The following KLK9 variants were observed in gnomAD, a reference collection of about 807,000 sequenced individuals.
KLK9 encodes kallikrein-9.
Under a neutral mutation model 23.3 loss-of-function variants are expected in KLK9, and 26 were observed. The ratio of observed to expected loss-of-function variants is 1.12; its 90% CI spans 0.82 to 1.55. KLK9 has a LOEUF of 1.55. KLK9 is among the 40% of genes most tolerant of loss of function. The probability of loss-of-function intolerance (pLI) is 0.00; values close to 1 mark genes in which losing one functional copy is unlikely to be tolerated. For missense variants in KLK9, 346 were observed against 333.7 expected, an observed-to-expected ratio of 1.04 and a Z score of -0.29; for synonymous variants, 122 against 128.5, an observed-to-expected ratio of 0.95 and a Z score of 0.34.
At position 51,002,949 on chromosome 19, in the gene KLK9, AG is replaced by A; in HGVS notation, c.*161del. 1 of 826,728 alleles carries A rather than the reference AG, an allele frequency of 1.2e-6. No individual in the cohort carries two copies. The allele number at this position is 826,728 out of a possible 1,614,324, so 51.2% of individuals were successfully genotyped here. A position where few individuals can be genotyped will look rare whatever the true frequency, so the allele number is the denominator to read the frequency against. ...CGACTGTGTCTTGCTTGACCTCGTGAGGGGGCGGAGCCTCAGGGGCGGAGTC... is the reference window on the plus strand; with the variant it reads ...CGACTGTGTCTTGCTTGACCTCGTGAGGGGCGGAGCCTCAGGGGCGGAGTC... On this transcript the variant is annotated 3_prime_UTR_variant, in exon 5 of 5. Coordinates refer to ENST00000594211, the MANE Select transcript of KLK9 (RefSeq NM_012315.2).
At chr19:51,004,800 A>G (rs908952916) in intron 3 of KLK9, among the ~76,000 whole-genome samples, 10 of 152,192 alleles carry the variant, frequency 6.6e-5, no homozygotes, top group Non-Finnish European at 1.3e-4. Flanking sequence ...GAAGATGGTC[A>G]CTGATGGAGA....
chr19:51,009,068 T>G lies in KLK9; in HGVS notation c.200+115A>C. On this transcript the variant is annotated intron_variant, in intron 2 of 4. Coordinates refer to ENST00000594211, the MANE Select transcript of KLK9 (RefSeq NM_012315.2). This position sits in a 1 kb window ranked among gnomAD's most constrained non-coding sequence, Gnocchi z 4.8. ...AGGCTACCCTTCCTACTTCTAAGAG[T>G]TGAACTTGTGGTATCAGAAGTGGAG... 2.5e-6 allele frequency: 3 copies of G among 1,185,250 alleles called. No individual in the cohort carries two copies. The South Asian group carries it at 4.7e-5, about 19-fold the overall frequency. The allele number at this position is 1,185,250 out of a possible 1,614,324, so 73.4% of individuals were successfully genotyped here. A position where few individuals can be genotyped will look rare whatever the true frequency, so the allele number is the denominator to read the frequency against.
At position 51,006,500 on chromosome 19, in the gene KLK9, G is replaced by C; in HGVS notation, c.424C>G (p.Gln142Glu). Residue 142 changes from glutamine (Q) to glutamate (E), a missense_variant, in exon 3 of 5, where the codon CAG (glutamine) becomes GAG (glutamate). Gln to Glu is a conservative substitution (Grantham distance 29). Coordinates refer to ENST00000594211, the MANE Select transcript of KLK9 (RefSeq NM_012315.2). This position sits in a 1 kb window ranked among gnomAD's most constrained non-coding sequence, Gnocchi z 4.1. The part of the protein sequence containing the change: ...LSQTCVSPGM[Q>E]CLISGWGAVS... Reference sequence around the variant, plus strand: ...GCCCCCCAGCCTGAGATGAGACACTGCATGCCTGGGGAGACACAGGTCTGG... The same window carrying C: ...GCCCCCCAGCCTGAGATGAGACACTCCATGCCTGGGGAGACACAGGTCTGG... The C allele has an allele frequency of 6.2e-7, 1 of 1,613,092 alleles. No homozygotes were observed. Among genetic ancestry groups the C allele is most frequent in the South Asian group, 1.1e-5 (1 of 91,054 alleles).
At chr19:51,007,834 C>T (rs542138174) in intron 2 of KLK9, among the ~76,000 whole-genome samples, 27 of 152,106 alleles carry the variant, frequency 1.8e-4, no homozygotes, top group Admixed American at 1.6e-3. Context: ...TTAGAATGCC[C>T]AGAACCTAAG....
intron 2 of KLK9, among the ~76,000 whole-genome samples, chr19:51,007,957 CA>C (rs201144763): frequency 1.3e-4 from 20 of 151,816 alleles, no homozygotes; most frequent in African/African-American, 3.6e-4. Context: ...TCCCCTGGAT[CA>C]AAAAAACTCC....
chr19:51,007,526 A>G (rs892579297), intron 2 of KLK9, among the ~76,000 whole-genome samples: 16 of 151,692 alleles, frequency 1.1e-4, no homozygotes, highest in Non-Finnish European at 2.2e-4. Context: ...TCACCCCTAC[A>G]TCCCTTCATC....
chr19:51,006,518 A>G lies in KLK9; in HGVS notation c.406T>C (p.Cys136Arg), dbSNP rs370862501. ...AGACACTGCATGCCTGGGGAGACAC[A>G]GGTCTGGCTGAGGTTGAGGGGCTGC... ...AVQPLNLSQT[C>R]VSPGMQCLIS... Residue 136 changes from cysteine (C) to arginine (R), a missense_variant, in exon 3 of 5, where the codon TGT becomes CGT. By Grantham distance (180) the Cys-to-Arg change is radical (BLOSUM62 -3). Coordinates refer to ENST00000594211, the MANE Select transcript of KLK9 (RefSeq NM_012315.2). This position sits in a 1 kb window ranked among gnomAD's most constrained non-coding sequence, Gnocchi z 4.1. 5.5e-5 allele frequency: 88 copies of G among 1,613,088 alleles called. 3 individuals are homozygous for G. Among genetic ancestry groups the G allele is most frequent in the Non-Finnish European group, 7.1e-5 (84 of 1,179,452 alleles).
At chr19:51,008,212 C>T (rs1199637206) in intron 2 of KLK9, among the ~76,000 whole-genome samples, 2 of 148,848 alleles carry the variant, frequency 1.3e-5, no homozygotes, top group African/African-American at 4.9e-5. Flanking sequence ...GTGGTGCATA[C>T]CTGTAATCCC....
At chr19:51,008,759 T>C (rs1267762914) in intron 2 of KLK9, among the ~76,000 whole-genome samples, 1 of 152,176 alleles carries the variant, frequency 6.6e-6, no homozygotes, top group Non-Finnish European at 1.5e-5. Flanking sequence ...ATTTTACTCA[T>C]TCCTTATTTT....
intron 2 of KLK9, among the ~76,000 whole-genome samples, chr19:51,007,291 C>A (rs1401570145): frequency 1.3e-5 from 2 of 151,914 alleles, no homozygotes; most frequent in Admixed American, 1.3e-4. Context: ...TGGTGTCTAA[C>A]CTTAAGCCCT....
chr19:51,006,666 C>T lies in KLK9; in HGVS notation c.258G>A (p.Gln86=), dbSNP rs1568559152. Residue 86 remains glutamine, a synonymous_variant, in exon 3 of 5, where the codon CAG becomes CAA. Coordinates refer to ENST00000594211, the MANE Select transcript of KLK9 (RefSeq NM_012315.2). The surrounding 1 kb of genome is among the most constrained non-coding windows in gnomAD (Gnocchi z 4.1). Reference sequence around the variant, plus strand: ...GGAAGAAGTCCGTAACCCGGAACAGCTGCTCCGGACCCTCCCATTTCCAGA... The same window carrying T: ...GGAAGAAGTCCGTAACCCGGAACAGTTGCTCCGGACCCTCCCATTTCCAGA... ...HHLWKWEGPE[Q]LFRVTDFFPH... is the part of the protein sequence containing the mutation. 1 of 1,610,900 alleles carries T rather than the reference C, an allele frequency of 6.2e-7. No homozygotes were observed. The highest frequency in any genetic ancestry group is 8.5e-7 in the Non-Finnish European group (1 of 1,178,180).
intron 3 of KLK9, among the ~76,000 whole-genome samples, chr19:51,005,247 C>T (rs2091251289): frequency 2.0e-5 from 3 of 152,164 alleles, no homozygotes; most frequent in Non-Finnish European, 2.9e-5. Context: ...TGGTCTTATT[C>T]CCATTCTAAG....
rs71333922 is a variant in KLK9 at position 51,004,338 on chromosome 19, CAAAAAAAAAAAAAAAAAAAAAA to C, written c.467-520_467-499del. ...TGGGAGACAGAGCAAGACTCCGTCTCAAAAAAAAAAAAAAAAAAAAAAAAAAAAAAAAAAAAAAGAAAGGAAG... is the reference window on the plus strand; with the variant it reads ...TGGGAGACAGAGCAAGACTCCGTCTCAAAAAAAAAAAAAAAAGAAAGGAAG... On this transcript the variant is annotated intron_variant, in intron 3 of 4. Coordinates refer to ENST00000594211, the MANE Select transcript of KLK9 (RefSeq NM_012315.2). 5.2e-4 allele frequency among the ~76,000 whole-genome samples: 17 copies of C among 32,562 alleles called. 1 individual carries two copies. Among genetic ancestry groups the C allele is most frequent in the Non-Finnish European group, 7.3e-4 (13 of 17,924 alleles). The allele number at this position is 32,562 out of a possible 152,430, so 21.4% of individuals were successfully genotyped here. A position where few individuals can be genotyped will look rare whatever the true frequency, so the allele number is the denominator to read the frequency against.
Position 51,006,373 on chromosome 19 carries a change from G to C in KLK9, c.466+85C>G. 4 of 1,273,756 alleles carry C rather than the reference G, an allele frequency of 3.1e-6. No homozygotes were observed. The Admixed American group carries it at 8.6e-5, about 27-fold the overall frequency. The allele number at this position is 1,273,756 out of a possible 1,614,324, so 78.9% of individuals were successfully genotyped here. On this transcript the variant is annotated intron_variant, in intron 3 of 4. Coordinates refer to ENST00000594211, the MANE Select transcript of KLK9 (RefSeq NM_012315.2). This position sits in a 1 kb window ranked among gnomAD's most constrained non-coding sequence, Gnocchi z 4.1. ...TAGACTGACAGAGAGAGAGAGGAGAGAGAAAAGGAGAAGACAGAGATGAAA... is the reference window on the plus strand; with the variant it reads ...TAGACTGACAGAGAGAGAGAGGAGACAGAAAAGGAGAAGACAGAGATGAAA...
chr19:51,007,312 T>A (rs1010200126), intron 2 of KLK9, among the ~76,000 whole-genome samples: 3 of 151,900 alleles, frequency 2.0e-5, no homozygotes, highest in Non-Finnish European at 2.9e-5. Context: ...CACCACAGTC[T>A]CAGCGCACTT....
At chr19:51,007,094 C>A (rs1029256610) in intron 2 of KLK9, among the ~76,000 whole-genome samples, 1 of 151,822 alleles carries the variant, frequency 6.6e-6, no homozygotes, top group African/African-American at 2.4e-5. Context: ...TAACAACCGC[C>A]CCACCCCTGC....
chr19:51,008,155 C>T (rs1348092248), intron 2 of KLK9, among the ~76,000 whole-genome samples: 2 of 145,874 alleles, frequency 1.4e-5, no homozygotes, highest in Non-Finnish European at 3.0e-5. Flanking sequence ...ATGGTGAAAC[C>T]CCCGTCTCTA....
chr19:51,003,013 A>G lies in KLK9; in HGVS notation c.*98T>C. The G allele has an allele frequency of 7.1e-7, 1 of 1,409,298 alleles. No homozygotes were observed. Among genetic ancestry groups the G allele is most frequent in the Non-Finnish European group, 9.5e-7 (1 of 1,052,046 alleles). 87.3% of individuals were successfully genotyped at this position (1,409,298 alleles called of 1,614,324 possible). ...GGGGAGTCAGGGCAGCTGGAGGTCC[A>G]GGGCGGGAACCATTGAGGCTGGGAC... is the stretch of plus-strand genomic sequence containing the variant. On this transcript the variant is annotated 3_prime_UTR_variant, in exon 5 of 5. Transcript: ENST00000594211.
intron 4 of KLK9, among the ~76,000 whole-genome samples, chr19:51,003,476 C>T (rs1164950859): frequency 1.3e-5 from 2 of 152,168 alleles, no homozygotes; most frequent in Non-Finnish European, 2.9e-5. Context: ...AGGACTCAGA[C>T]TCTGGACGCC....
Sources: allele counts gnomAD v4.1 joint callset (sites outside exome capture counted in the v4.1 genomes callset), GRCh38; gene constraint gnomAD v4.1.1; non-coding constraint Gnocchi (gnomAD v3.1); transcripts MANE v1.5; gene names NCBI Gene and HGNC (gene_info 2026-07-23, HGNC 2026-07-21).